RPS6KA3: variants seen among roughly 807,000 people sequenced by gnomAD.
RPS6KA3 encodes the protein ribosomal protein S6 kinase alpha-3.
RPS6KA3 carries 4 observed loss-of-function variants against 67.2 expected under a neutral mutation model. The ratio of observed to expected loss-of-function variants is 0.06; its 90% CI spans 0.03 to 0.14. RPS6KA3 has a LOEUF of 0.14. Ranked by LOEUF, RPS6KA3 falls within the 10% of genes least tolerant of loss-of-function variation. The probability of loss-of-function intolerance (pLI) is 1.00; values close to 1 mark genes in which losing one functional copy is unlikely to be tolerated. For synonymous variants in RPS6KA3, 182 were observed against 183.7 expected, an observed-to-expected ratio of 0.99 and a Z score of 0.07; for missense variants, 204 against 559.0, an observed-to-expected ratio of 0.36 and a Z score of 6.40.
chrX:20,184,052 TA>T (rs1332044891), intron 10 of RPS6KA3, among the ~76,000 whole-genome samples: 1 of 112,098 alleles, frequency 8.9e-6, no homozygotes, highest in African/African-American at 3.2e-5. Flanking sequence ...TTTACTTTTT[TA>T]TTTTTTTTAT....
chrX:20,168,455 A>G (rs1317498096), intron 16 of RPS6KA3, among the ~76,000 whole-genome samples: 1 of 111,966 alleles, frequency 8.9e-6, no homozygotes, highest in East Asian at 2.8e-4. Flanking sequence ...CATCAGGTGT[A>G]TGAGAAAGGG....
chrX:20,201,502 T>C (rs1260740317), intron 4 of RPS6KA3, among the ~76,000 whole-genome samples: 1 of 111,599 alleles, frequency 9.0e-6, no homozygotes, highest in African/African-American at 3.3e-5. Flanking sequence ...CCAAAGATTA[T>C]TTATCTCCTT....
intron 2 of RPS6KA3, among the ~76,000 whole-genome samples, chrX:20,211,632 A>G (rs2068719252): frequency 9.0e-6 from 1 of 111,586 alleles, no homozygotes; most frequent in Non-Finnish European, 1.9e-5. Flanking sequence ...AAAATTATAT[A>G]CACGTAAAGA....
At chrX:20,240,284 AC>A (rs1468349894) in intron 1 of RPS6KA3, among the ~76,000 whole-genome samples, 3 of 78,381 alleles carry the variant, frequency 3.8e-5, no homozygotes, top group Non-Finnish European at 6.9e-5. Context: ...CAAGGACCAT[AC>A]TTTTTTTTTT....
chrX:20,216,406 A>G (rs912361306), intron 2 of RPS6KA3, among the ~76,000 whole-genome samples: 1 of 111,418 alleles, frequency 9.0e-6, no homozygotes, highest in Non-Finnish European at 1.9e-5. Context: ...AGTACCTGAT[A>G]CATGCTAGGT....
At chrX:20,185,378 T>TC (rs2067955398) in intron 10 of RPS6KA3, among the ~76,000 whole-genome samples, 1 of 111,526 alleles carries the variant, frequency 9.0e-6, no homozygotes, top group Non-Finnish European at 1.9e-5. Flanking sequence ...TCTTTTCTTT[T>TC]CTTTTCTTTT....
chrX:20,235,680 C>CG (rs764647654), intron 1 of RPS6KA3, among the ~76,000 whole-genome samples: 9 of 111,068 alleles, frequency 8.1e-5, no homozygotes, highest in East Asian at 2.8e-4. Context: ...AACGAGGGTA[C>CG]GGGGGAGAGA....
chrX:20,187,213 G>A, intron 9 of RPS6KA3, among the ~76,000 whole-genome samples: 1 of 109,354 alleles, frequency 9.1e-6, no homozygotes. Context: ...CACCGCGCCC[G>A]GCAGAACTTA....
chrX:20,169,170 A>T (rs906655637), intron 16 of RPS6KA3, among the ~76,000 whole-genome samples: 6 of 110,204 alleles, frequency 5.4e-5, no homozygotes, highest in East Asian at 2.9e-4. Flanking sequence ...TTAAAAAAAA[A>T]TTTTTTTTTG....
Position 20,195,582 on chromosome X carries a change from A to G in RPS6KA3, c.326-437T>C, listed in dbSNP as rs765600003. ...TCATTAAGCATACCTAAAATGAGGC[A>G]GACATGGGGTAAAGGACAGTTATAT... is the stretch of plus-strand genomic sequence containing the variant. On this transcript the variant is annotated intron_variant, in intron 4 of 21. Transcript: ENST00000379565. Among the ~76,000 whole-genome samples, 103 of 112,220 alleles carry G rather than the reference A, an allele frequency of 9.2e-4. 1 individual carries two copies. Among genetic ancestry groups the G allele is most frequent in the African/African-American group, 3.0e-3 (94 of 30,941 alleles).
intron 4 of RPS6KA3, among the ~76,000 whole-genome samples, chrX:20,195,757 T>C (rs987503946): frequency 1.8e-5 from 2 of 111,973 alleles, no homozygotes; most frequent in South Asian, 7.4e-4. Flanking sequence ...GAAAAAAACT[T>C]AAGCATCACA....
intron 5 of RPS6KA3, 81 bp downstream of exon 5, chrX:20,194,984 T>C (rs371972106): frequency 1.8e-6 from 1 of 557,526 alleles, no homozygotes. Context: ...TATATATTTA[T>C]TTATATTAGT....
intron 10 of RPS6KA3, among the ~76,000 whole-genome samples, chrX:20,185,492 C>T (rs1315996868): frequency 9.0e-6 from 1 of 110,821 alleles, no homozygotes; most frequent in Non-Finnish European, 1.9e-5. Context: ...CCTGTCTTAG[C>T]CCCCATCTGC....
intron 16 of RPS6KA3, 106 bp from the exon 17 acceptor site, chrX:20,167,853 AATTTT>A (rs749539619): frequency 7.0e-5 from 38 of 546,689 alleles, no homozygotes; most frequent in Non-Finnish European, 1.1e-4. Flanking sequence ...ATTCAAGACA[AATTTT>A]ATTTATTTAT....
At chrX:20,230,945 A>T (rs1000325108) in intron 2 of RPS6KA3, among the ~76,000 whole-genome samples, 5 of 111,549 alleles carry the variant, frequency 4.5e-5, no homozygotes, top group Non-Finnish European at 9.4e-5. Flanking sequence ...ATGCACAAGA[A>T]CTGTATGTAA....
intron 1 of RPS6KA3, among the ~76,000 whole-genome samples, chrX:20,254,791 A>G (rs1387882938): frequency 8.9e-6 from 1 of 111,887 alleles, no homozygotes; most frequent in Admixed American, 9.5e-5. Context: ...ACAATGAGAT[A>G]CCATTTCACA....
intron 20 of RPS6KA3, 136 bp downstream of exon 20, chrX:20,161,508 C>T (rs1032727824): frequency 1.2e-5 from 3 of 245,515 alleles, no homozygotes; most frequent in Non-Finnish European, 1.5e-5. Context: ...GGTCCATTTT[C>T]GAGTTCAAAT....
intron 1 of RPS6KA3, among the ~76,000 whole-genome samples, chrX:20,237,100 C>T (rs1314714085): frequency 1.8e-5 from 2 of 111,476 alleles, no homozygotes; most frequent in Non-Finnish European, 3.8e-5. Flanking sequence ...TGATATAAAA[C>T]CCTAACCATA....
intron 2 of RPS6KA3, among the ~76,000 whole-genome samples, chrX:20,213,808 C>T (rs1736577542): frequency 9.1e-6 from 1 of 110,150 alleles, no homozygotes. Flanking sequence ...TAGCCTGATT[C>T]TAAAGTTGAA....
Sources: allele counts gnomAD v4.1 joint callset (sites outside exome capture counted in the v4.1 genomes callset), GRCh38; gene constraint gnomAD v4.1.1; transcripts MANE v1.5; gene names NCBI Gene and HGNC (gene_info 2026-07-23, HGNC 2026-07-21).